DPP10: variants seen among roughly 807,000 people sequenced by gnomAD.
DPP10 encodes dipeptidyl peptidase like 10.
Under a neutral mutation model 120.9 loss-of-function variants are expected in DPP10, and 33 were observed. That is an observed-to-expected ratio of 0.27 (90% CI 0.21 to 0.37). The LOEUF is 0.37. DPP10 is among the 10% of genes least tolerant of loss of function. The pLI is 1.00. For missense variants in DPP10, 816 were observed against 942.8 expected (o/e 0.87, Z 1.76); for synonymous variants, 337 against 326.1 (o/e 1.03, Z -0.36).
rs1202720175 is a variant in DPP10 at position 115,052,733 on chromosome 2, CT to C, written c.61-256504del. On this transcript the variant is annotated intron_variant, in intron 1 of 25. Coordinates refer to ENST00000410059, the MANE Select transcript of DPP10 (RefSeq NM_020868.6). The stretch of plus-strand genomic sequence containing the variant: ...TTGGGATGCCAAGGCAGGCAGATCA[CT>C]TGAGGTCAGGAGTTCGAGACCAGCC... Among the ~76,000 whole-genome samples the C allele has an allele frequency of 2.0e-5, 3 of 152,252 alleles. No homozygotes were observed. In the East Asian group the frequency reaches 5.8e-4, roughly 29 times the overall value.
At chr2:114,717,002 C>G (rs1701391611) in intron 1 of DPP10, among the ~76,000 whole-genome samples, 1 of 152,204 alleles carries the variant, frequency 6.6e-6, no homozygotes, top group South Asian at 2.1e-4. Context: ...GTGGAGAAGA[C>G]TCGTTACAGA....
chr2:115,590,261 G>A (rs897981781), intron 5 of DPP10, among the ~76,000 whole-genome samples: 23 of 151,378 alleles, frequency 1.5e-4, no homozygotes, highest in Non-Finnish European at 2.7e-4. Flanking sequence ...TTGGTGTGCC[G>A]CACCTGTTAC....
At chr2:115,397,216 G>C (rs986232067) in intron 3 of DPP10, among the ~76,000 whole-genome samples, 3 of 152,250 alleles carry the variant, frequency 2.0e-5, no homozygotes, top group South Asian at 4.1e-4. Context: ...ATATAAGTTA[G>C]TCATGTTTGA....
At chr2:114,857,192 T>C (rs564440616) in intron 1 of DPP10, among the ~76,000 whole-genome samples, 7 of 152,298 alleles carry the variant, frequency 4.6e-5, no homozygotes, top group African/African-American at 1.7e-4. Context: ...GTGCATCCAA[T>C]AGAGCTTCTA....
At chr2:114,540,410 G>C (rs1217008395) in intron 1 of DPP10, among the ~76,000 whole-genome samples, 1 of 152,126 alleles carries the variant, frequency 6.6e-6, no homozygotes, top group Non-Finnish European at 1.5e-5. Flanking sequence ...ACAATGAGTG[G>C]TATAATTAAA....
At chr2:115,126,203 C>T (rs1446034677) in intron 1 of DPP10, among the ~76,000 whole-genome samples, 2 of 152,168 alleles carry the variant, frequency 1.3e-5, no homozygotes, top group Admixed American at 1.3e-4. Context: ...ACTGCAACCT[C>T]TGCCTCCAGG....
rs2092894128 is a variant in DPP10 at position 115,730,996 on chromosome 2, G to A, written c.697+3060G>A. 2.0e-5 allele frequency among the ~76,000 whole-genome samples: 3 copies of A among 152,082 alleles called. 1 individual carries two copies. Among genetic ancestry groups the A allele is most frequent in the Admixed American group, 2.0e-4 (3 of 15,264 alleles). ...TCCTAGCACTTTGAGGGGGCGAGGT[G>A]GGCAGATCACTTGAGCCCAGGATTT... On this transcript the variant is annotated intron_variant, in intron 8 of 25. Transcript: ENST00000410059.
chr2:115,703,137 G>A (rs1283880513), intron 7 of DPP10, among the ~76,000 whole-genome samples: 1 of 151,830 alleles, frequency 6.6e-6, no homozygotes, highest in Non-Finnish European at 1.5e-5. Context: ...GTACTAATTA[G>A]AATGAATCTA....
intron 1 of DPP10, among the ~76,000 whole-genome samples, chr2:114,670,144 A>G (rs537466368): frequency 1.3e-5 from 2 of 152,288 alleles, no homozygotes; most frequent in South Asian, 2.1e-4. Context: ...CAGAAATACC[A>G]TTTGACCCAG....
chr2:115,616,341 A>G (rs532411752), intron 5 of DPP10, among the ~76,000 whole-genome samples: 25 of 152,056 alleles, frequency 1.6e-4, no homozygotes, highest in African/African-American at 5.5e-4. Flanking sequence ...TCTGTTTTCC[A>G]ATTGAGGTAA....
At chr2:115,464,417 CAAACA>C (rs1475971240) in intron 3 of DPP10, among the ~76,000 whole-genome samples, 1 of 150,334 alleles carries the variant, frequency 6.7e-6, no homozygotes, top group African/African-American at 2.4e-5. Context: ...AAAAAAAACA[CAAACA>C]AAACAAAACA....
At chr2:115,218,383 G>T (rs2056951450) in intron 1 of DPP10, among the ~76,000 whole-genome samples, 1 of 151,992 alleles carries the variant, frequency 6.6e-6, no homozygotes, top group African/African-American at 2.4e-5. Flanking sequence ...AGTTCTGCCG[G>T]ATCCTTATAT....
At chr2:115,700,260 AG>A (rs2091826738) in intron 7 of DPP10, among the ~76,000 whole-genome samples, 1 of 152,188 alleles carries the variant, frequency 6.6e-6, no homozygotes, top group African/African-American at 2.4e-5. Context: ...ATTTAACATG[AG>A]ATTTGAGTGA....
chr2:114,928,434 A>G (rs1483224720), intron 1 of DPP10, among the ~76,000 whole-genome samples: 1 of 152,206 alleles, frequency 6.6e-6, no homozygotes, highest in African/African-American at 2.4e-5. Context: ...TTGAATCTCC[A>G]GAATAATCTA....
intron 3 of DPP10, among the ~76,000 whole-genome samples, chr2:115,364,494 A>G (rs1218608996): frequency 1.3e-5 from 2 of 152,036 alleles, no homozygotes; most frequent in Non-Finnish European, 2.9e-5. Context: ...TCCCCAAACC[A>G]TGTCTTTTTT....
intron 1 of DPP10, among the ~76,000 whole-genome samples, chr2:114,666,413 T>C (rs1573923869): frequency 6.6e-6 from 1 of 152,198 alleles, no homozygotes; most frequent in South Asian, 2.1e-4. Context: ...ATTATCTCCT[T>C]TTCACATAGC....
intron 1 of DPP10, among the ~76,000 whole-genome samples, chr2:114,866,667 G>C (rs1690260820): frequency 6.6e-6 from 1 of 152,168 alleles, no homozygotes; most frequent in South Asian, 2.1e-4. Flanking sequence ...ATAAGTGTTA[G>C]AGGTGAAAAA....
At chr2:114,951,827 C>T (rs1420284461) in intron 1 of DPP10, among the ~76,000 whole-genome samples, 2 of 151,968 alleles carry the variant, frequency 1.3e-5, no homozygotes, top group South Asian at 2.1e-4. Context: ...TTCTGTCTAC[C>T]TATTGACAAC....
At chr2:115,246,843 G>C (rs2058557571) in intron 1 of DPP10, among the ~76,000 whole-genome samples, 1 of 152,048 alleles carries the variant, frequency 6.6e-6, no homozygotes, top group Admixed American at 6.6e-5. Flanking sequence ...TCTTGAAGAG[G>C]GTTGAAGAAA....
Sources: gnomAD v4.1 joint callset for allele counts (sites outside exome capture counted in the v4.1 genomes callset) on GRCh38, gnomAD v4.1.1 for gene constraint, MANE v1.5 for transcripts, NCBI Gene and HGNC (gene_info 2026-07-23, HGNC 2026-07-21) for gene names.